ATP12A: variants seen among roughly 807,000 people sequenced by gnomAD.
ATP12A encodes potassium-transporting ATPase alpha chain 2.
A neutral mutation model predicts 111.2 loss-of-function variants in ATP12A; 81 were observed. The observed-to-expected ratio is 0.73, with a 90% confidence interval of 0.61 to 0.88. The LOEUF is 0.88. Ranked by LOEUF, ATP12A falls within the 40% of genes least tolerant of loss-of-function variation. The pLI is 0.00. For synonymous variants in ATP12A, 498 were observed against 499.8 expected (o/e 1.00, Z 0.05); for missense variants, 1,196 against 1,313.1 (o/e 0.91, Z 1.38).
rs765928693 is a variant in ATP12A, at chr13:24,710,833, T to C, written c.2939T>C (p.Ile980Thr). The C allele has an allele frequency of 3.1e-6, 5 of 1,614,116 alleles. No homozygotes were observed. Among genetic ancestry groups the C allele is most frequent in the South Asian group, 1.1e-5 (1 of 91,090 alleles). The change falls in exon 21 of 23, where the codon ATT becomes ACT. Residue 980 changes from isoleucine to threonine, a missense_variant. Ile to Thr is a moderately conservative substitution (Grantham distance 89). Coordinates refer to ENST00000381946, the MANE Select transcript of ATP12A (RefSeq NM_001676.7). Reference sequence around the variant, plus strand: ...GTGGGGATCACCTCACAGATCATCATTGGTCTGATCCTCTCCTATGGCCTC... The same window carrying C: ...GTGGGGATCACCTCACAGATCATCACTGGTCTGATCCTCTCCTATGGCCTC... ...IWVGITSQII[I>T]GLILSYGLGS...
chr13:24,686,467 G>A (rs1216405097), intron 3 of ATP12A, among the ~76,000 whole-genome samples: 5 of 151,014 alleles, frequency 3.3e-5, no homozygotes, highest in South Asian at 4.2e-4. Flanking sequence ...AGGGCCGGGC[G>A]TGGTGGCTCA....
At position 24,691,054 on chromosome 13, in the gene ATP12A, G is replaced by A; in HGVS notation, c.872G>A (p.Gly291Glu). 3 of 1,614,210 alleles carry A rather than the reference G, an allele frequency of 1.9e-6. No homozygotes were observed. The highest frequency in any genetic ancestry group is 1.3e-5 in the African/African-American group (1 of 75,050). Residue 291 changes from glycine (G) to glutamate (E), a missense_variant, in exon 8 of 23, where the codon GGA (glycine) becomes GAA (glutamate). Coordinates refer to ENST00000381946, the MANE Select transcript of ATP12A (RefSeq NM_001676.7). ...GGCCATATTGCCTCATTGGCCTCAG[G>A]AGTTGGAAATGAGAAGACGCCCATT... ...IIGHIASLASGVGNEKTPIAI... is the reference protein window; with the variant it reads ...IIGHIASLASEVGNEKTPIAI...
chr13:24,691,443 A>G (rs1874900882), intron 8 of ATP12A, among the ~76,000 whole-genome samples, 193 bp downstream of exon 8: 1 of 152,206 alleles, frequency 6.6e-6, no homozygotes, highest in Admixed American at 6.5e-5. Flanking sequence ...TCAATATTTG[A>G]CTGCGTTTTC....
chr13:24,691,358 C>A, intron 8 of ATP12A, 108 bp downstream of exon 8: 2 of 1,331,132 alleles, frequency 1.5e-6, no homozygotes, highest in South Asian at 1.5e-5. Flanking sequence ...GAGCACCACG[C>A]CCTCCCCGCC....
chr13:24,682,168 A>ATGTGTGTGGTATATATGTGTGTGGTG (rs1566068056), intron 2 of ATP12A, among the ~76,000 whole-genome samples: 3 of 64,480 alleles, frequency 4.7e-5, no homozygotes, highest in African/African-American at 2.3e-4. Context: ...TGGTGTGTGT[A>ATGTGTGTGGTATATATGTGTGTGGTG]TGTGTGTGGT....
intron 14 of ATP12A, among the ~76,000 whole-genome samples, chr13:24,705,138 G>C (rs1447324228): frequency 6.6e-6 from 1 of 152,214 alleles, no homozygotes; most frequent in African/African-American, 2.4e-5. Flanking sequence ...TAAAGAAAAA[G>C]ACCTGCAGCA....
intron 14 of ATP12A, 76 bp downstream of exon 14, chr13:24,702,147 C>T (rs1875426395): frequency 1.9e-6 from 3 of 1,568,064 alleles, no homozygotes; most frequent in South Asian, 2.2e-5. Flanking sequence ...AGCTGCACTA[C>T]TTGGAACAAA....
intron 1 of ATP12A, among the ~76,000 whole-genome samples, chr13:24,681,296 T>C (rs1362111462): frequency 6.6e-6 from 1 of 152,038 alleles, no homozygotes; most frequent in Admixed American, 6.5e-5. Flanking sequence ...TCCCACCTGC[T>C]CCACCCAGAG....
At chr13:24,698,557 G>A in intron 11 of ATP12A, 101 bp from the exon 12 acceptor site, 1 of 1,252,380 alleles carries the variant, frequency 8.0e-7, no homozygotes, top group Non-Finnish European at 1.1e-6. Flanking sequence ...TGCTGAGGAT[G>A]CCATTGTGCC....
At chr13:24,701,013 G>A in intron 13 of ATP12A, 91 bp downstream of exon 13, 2 of 1,350,324 alleles carry the variant, frequency 1.5e-6, no homozygotes, top group Non-Finnish European at 2.0e-6. Context: ...CAGTATTTAG[G>A]TGTCTTCAAG....
chr13:24,684,302 C>T (rs1002251227), intron 2 of ATP12A, among the ~76,000 whole-genome samples: 4 of 152,114 alleles, frequency 2.6e-5, no homozygotes, highest in African/African-American at 7.2e-5. Flanking sequence ...GGGCTAGAAG[C>T]AAGATAATAA....
Position 24,685,425 on chromosome 13 carries a change from G to A in ATP12A, c.228+52G>A. The A allele has an allele frequency of 6.3e-7, 1 of 1,575,834 alleles. No homozygotes were observed. Among genetic ancestry groups the A allele is most frequent in the East Asian group, 2.2e-5 (1 of 44,736 alleles). ...AAGAGAAGCCTCCCAACTCTACAGA[G>A]GGAAGGCTGTGTGTGGCGGGGGGCT... On this transcript the variant is annotated intron_variant, in intron 3 of 22. Coordinates refer to ENST00000381946, the MANE Select transcript of ATP12A (RefSeq NM_001676.7). The surrounding 1 kb of genome is among the most constrained non-coding windows in gnomAD (Gnocchi z 5.5).
intron 12 of ATP12A, among the ~76,000 whole-genome samples, chr13:24,700,216 T>G (rs1385885201): frequency 6.6e-6 from 1 of 152,198 alleles, no homozygotes; most frequent in Non-Finnish European, 1.5e-5. Flanking sequence ...GGGCTTATCT[T>G]GATCTAGCAC....
rs769600151 is a variant in ATP12A at position 24,710,592 on chromosome 13, A to C, written c.2896A>C (p.Arg966=). ...TTCCATCTTCCAGCAGGGTCTCTTC[A>C]GGTACTGCCTGTGCCCGGCCTCCTG... The part of the protein sequence containing the change: ...RNSIFQQGLF[R]NKVIWVGITS... Residue 966 remains arginine (R), a splice_region_variant and synonymous_variant, in exon 20 of 23, where the codon AGA becomes CGA. Coordinates refer to ENST00000381946, the MANE Select transcript of ATP12A (RefSeq NM_001676.7). 31 of 1,613,982 alleles carry C rather than the reference A, an allele frequency of 1.9e-5. No individual in the cohort carries two copies. In the South Asian group the frequency reaches 3.2e-4, roughly 17 times the overall value.
Position 24,708,950 on chromosome 13 carries a change from A to AAAGG in ATP12A, c.2494-411_2494-410insGAAG, listed in dbSNP as rs1555255702. Among the ~76,000 whole-genome samples the AAAGG allele has an allele frequency of 9.9e-5, 13 of 131,574 alleles. No homozygotes were observed. The East Asian group carries it at 1.0e-3, about 11-fold the overall frequency. 86.3% of individuals were successfully genotyped at this position (131,574 alleles called of 152,430 possible). A position where few individuals can be genotyped will look rare whatever the true frequency, so the allele number is the denominator to read the frequency against. ...GAAAGAAAGAAAGAAAGAAAGAAAG[A>AAAGG]AAGAAAGAAAGAAGGAAAGAGAAAG... On this transcript the variant is annotated intron_variant, in intron 17 of 22. Coordinates refer to ENST00000381946, the MANE Select transcript of ATP12A (RefSeq NM_001676.7).
chr13:24,691,766 C>A (rs2071492), intron 8 of ATP12A, among the ~76,000 whole-genome samples: 1 of 151,980 alleles, frequency 6.6e-6, no homozygotes, highest in Non-Finnish European at 1.5e-5. Context: ...TCCTCAGTCT[C>A]TCCTGTGGGG....
chr13:24,711,561 G>A lies in ATP12A; in HGVS notation c.*39G>A. The A allele has an allele frequency of 1.2e-6, 2 of 1,613,126 alleles. No homozygotes were observed. Among genetic ancestry groups the A allele is most frequent in the South Asian group, 1.1e-5 (1 of 91,036 alleles). On this transcript the variant is annotated 3_prime_UTR_variant, in exon 23 of 23. Coordinates refer to ENST00000381946, the MANE Select transcript of ATP12A (RefSeq NM_001676.7). ...CCTATGTCTCTCAGCAGCACGTTGG[G>A]GCACACTTGTTCATCTTCTGACCGT... is the stretch of plus-strand genomic sequence containing the variant.
chr13:24,680,557 C>T lies in ATP12A; in HGVS notation c.-187C>T, dbSNP rs1015378980. On this transcript the variant is annotated 5_prime_UTR_variant, in exon 1 of 23. Coordinates refer to ENST00000381946, the MANE Select transcript of ATP12A (RefSeq NM_001676.7). ...GGCATTTAAGGCTGGTGCCACCTCC[C>T]CGGTGCAGCGGCTGGCGATCGGCCG... 8 of 574,718 alleles carry T rather than the reference C, an allele frequency of 1.4e-5. No homozygotes were observed. In the Admixed American group the frequency reaches 3.4e-4, roughly 24 times the overall value. The allele number at this position is 574,718 out of a possible 1,614,324, so 35.6% of individuals were successfully genotyped here. A position where few individuals can be genotyped will look rare whatever the true frequency, so the allele number is the denominator to read the frequency against.
At chr13:24,705,778 T>A (rs1380181327) in intron 14 of ATP12A, among the ~76,000 whole-genome samples, 1 of 152,168 alleles carries the variant, frequency 6.6e-6, no homozygotes, top group African/African-American at 2.4e-5. Context: ...CAAGCAATCC[T>A]CCTGCCTCAG....
Sources: allele counts gnomAD v4.1 joint callset (sites outside exome capture counted in the v4.1 genomes callset), GRCh38; gene constraint gnomAD v4.1.1; non-coding constraint Gnocchi (gnomAD v3.1); transcripts MANE v1.5; gene names NCBI Gene and HGNC (gene_info 2026-07-23, HGNC 2026-07-21).